SLC17A5: variants seen among roughly 807,000 people sequenced by gnomAD.
SLC17A5 encodes sialin.
Under a neutral mutation model 59.4 loss-of-function variants are expected in SLC17A5, and 47 were observed. That is an observed-to-expected ratio of 0.79 (90% confidence interval 0.63 to 1.01). SLC17A5 has a LOEUF of 1.01. Among genes scored for constraint, SLC17A5 ranks in the 50% least tolerant of loss-of-function variants. The pLI is 0.00. For missense variants in SLC17A5, 522 were observed against 595.5 expected (o/e 0.88, Z 1.28); for synonymous variants, 202 against 210.7 (o/e 0.96, Z 0.36).
chr6:73,599,541 C>G (rs1014641849), intron 10 of SLC17A5, among the ~76,000 whole-genome samples: 1 of 152,232 alleles, frequency 6.6e-6, no homozygotes, highest in African/African-American at 2.4e-5. Flanking sequence ...AGTGAGCTGA[C>G]TTAGGTTCTG....
At chr6:73,642,485 C>T (rs1350359435) in intron 2 of SLC17A5, among the ~76,000 whole-genome samples, 1 of 152,232 alleles carries the variant, frequency 6.6e-6, no homozygotes, top group African/African-American at 2.4e-5. Flanking sequence ...TTAGTGTTCA[C>T]TTAGTGCTGG....
At position 73,628,073 on chromosome 6, in the gene SLC17A5, C is replaced by T. The variant is rs1260331164; in HGVS notation, c.820-6111G>A. Among the ~76,000 whole-genome samples the T allele has an allele frequency of 2.0e-5, 3 of 152,032 alleles. No individual in the cohort carries two copies. The East Asian group carries it at 5.8e-4, about 29-fold the overall frequency. On this transcript the variant is annotated intron_variant, in intron 6 of 10. Transcript: ENST00000355773. ...TAGCTGAGACTACAGGCATGTGCCA[C>T]CACACCGGGTAATTTTTAAATTTTT...
At chr6:73,638,963 C>T (rs1769152596) in intron 3 of SLC17A5, among the ~76,000 whole-genome samples, 1 of 151,972 alleles carries the variant, frequency 6.6e-6, no homozygotes, top group Non-Finnish European at 1.5e-5. Context: ...TTATTAATCA[C>T]CTGAATGAAA....
In SLC17A5 at chr6:73,633,176, A is replaced by AT. The variant is rs57624307; in HGVS notation, c.819+2205dup. Among the ~76,000 whole-genome samples, 222 of 124,930 alleles carry AT rather than the reference A, an allele frequency of 1.8e-3. 2 individuals are homozygous for AT. Among genetic ancestry groups the AT allele is most frequent in the South Asian group, 5.2e-3 (21 of 4,012 alleles). 82.0% of individuals were successfully genotyped at this position (124,930 alleles called of 152,430 possible). ...AAAACTTTCTTTTTTACTTGTATTA[A>AT]TTTTTTTTTTTTTTTTTTTTGCTGG... is the stretch of plus-strand genomic sequence containing the variant. On this transcript the variant is annotated intron_variant, in intron 6 of 10. Transcript: ENST00000355773.
chr6:73,594,203 A>G lies in SLC17A5; in HGVS notation c.*874T>C, dbSNP rs1766696790. ...CCAGCTAATTTTTTGTATTTTTAGT[A>G]GAGATGGGGTTTCACCATGCTGGCC... On this transcript the variant is annotated 3_prime_UTR_variant, in exon 11 of 11. Coordinates refer to ENST00000355773, the MANE Select transcript of SLC17A5 (RefSeq NM_012434.5). 1 of 152,082 alleles carries G rather than the reference A, an allele frequency of 6.6e-6. No homozygotes were observed. Among genetic ancestry groups the G allele is most frequent in the South Asian group, 2.1e-4 (1 of 4,806 alleles). 9.4% of individuals were successfully genotyped at this position (152,082 alleles called of 1,614,324 possible). A position where few individuals can be genotyped will look rare whatever the true frequency, so the allele number is the denominator to read the frequency against.
intron 7 of SLC17A5, among the ~76,000 whole-genome samples, chr6:73,621,175 T>C (rs898048302): frequency 3.9e-5 from 6 of 151,948 alleles, no homozygotes; most frequent in Non-Finnish European, 8.8e-5. Context: ...CTGGTTAATT[T>C]TGTATTTTTA....
chr6:73,621,694 G>T, intron 7 of SLC17A5, 110 bp downstream of exon 7: 1 of 878,512 alleles, frequency 1.1e-6, no homozygotes, highest in African/African-American at 1.7e-5. Flanking sequence ...ATTTAGGACA[G>T]CAGAGTAAAA....
chr6:73,644,316 G>C, intron 2 of SLC17A5, 91 bp downstream of exon 2: 1 of 1,028,162 alleles, frequency 9.7e-7, no homozygotes, highest in Non-Finnish European at 1.5e-6. Flanking sequence ...ACAAAGTATA[G>C]TTTCTGTAGG....
chr6:73,643,845 T>A (rs1769415821), intron 2 of SLC17A5, among the ~76,000 whole-genome samples: 1 of 152,178 alleles, frequency 6.6e-6, no homozygotes, highest in South Asian at 2.1e-4. Flanking sequence ...ATAAGCAACA[T>A]AAAATGAAGT....
At chr6:73,612,709 G>A (rs1306622044) in intron 8 of SLC17A5, among the ~76,000 whole-genome samples, 3 of 152,018 alleles carry the variant, frequency 2.0e-5, no homozygotes, top group African/African-American at 7.2e-5. Context: ...GGAGTAGCTG[G>A]GACTACAGAT....
At chr6:73,622,591 G>T (rs74638294) in intron 6 of SLC17A5, among the ~76,000 whole-genome samples, 2,250 of 152,172 alleles carry the variant, frequency 0.015, 172 homozygotes, top group Admixed American at 0.12. Context: ...TGCCCGGCCT[G>T]AATTCTCTAT....
chr6:73,619,516 C>T (rs1768038982), intron 7 of SLC17A5, among the ~76,000 whole-genome samples: 1 of 149,194 alleles, frequency 6.7e-6, no homozygotes, highest in African/African-American at 2.5e-5. Flanking sequence ...TGGGAAACCC[C>T]ATCTCTACTA....
At chr6:73,618,546 A>G in intron 7 of SLC17A5, 1 of 526,854 alleles carries the variant, frequency 1.9e-6, no homozygotes, top group Non-Finnish European at 3.6e-6. Context: ...AGCCTACAGG[A>G]GGAAAAGCAA....
chr6:73,611,361 C>T (rs2150087465), intron 8 of SLC17A5, among the ~76,000 whole-genome samples: 1 of 152,322 alleles, frequency 6.6e-6, no homozygotes, highest in East Asian at 1.9e-4. Context: ...CTCACTGCCA[C>T]CTCTGCCTCC....
chr6:73,597,720 A>T (rs559115704), intron 10 of SLC17A5, among the ~76,000 whole-genome samples: 52 of 152,112 alleles, frequency 3.4e-4, no homozygotes, highest in African/African-American at 1.1e-3. Flanking sequence ...GGGGAGGTTG[A>T]GGCTGCAGTG....
chr6:73,647,055 A>C (rs891003722), intron 1 of SLC17A5, among the ~76,000 whole-genome samples: 4 of 152,200 alleles, frequency 2.6e-5, no homozygotes, highest in African/African-American at 9.7e-5. Context: ...AATCTAGCTA[A>C]ATGTGTGCAT....
intron 2 of SLC17A5, among the ~76,000 whole-genome samples, chr6:73,642,462 G>T (rs781130493): frequency 6.6e-6 from 1 of 152,198 alleles, no homozygotes; most frequent in African/African-American, 2.4e-5. Flanking sequence ...ATAAAATAAG[G>T]CTTGATGTAC....
chr6:73,624,268 G>A (rs539649492), intron 6 of SLC17A5, among the ~76,000 whole-genome samples: 15 of 152,132 alleles, frequency 9.9e-5, no homozygotes, highest in Non-Finnish European at 2.1e-4. Flanking sequence ...GCCGGGTGTG[G>A]TGGTGCGCAG....
rs61490134 is a variant in SLC17A5, at chr6:73,603,420, C to CT, written c.1260-2980dup. On this transcript the variant is annotated intron_variant, in intron 9 of 10. Transcript: ENST00000355773. ...TAATTCATTTTTAAAATTGCTGCCT[C>CT]TTTTTTTTTTTTTTTTTGAGACAGA... 3.4e-3 allele frequency among the ~76,000 whole-genome samples: 451 copies of CT among 133,970 alleles called. 3 individuals are homozygous for CT. The highest frequency in any genetic ancestry group is 7.2e-3 in the African/African-American group (252 of 34,956). The allele number at this position is 133,970 out of a possible 152,430, so 87.9% of individuals were successfully genotyped here. A position where few individuals can be genotyped will look rare whatever the true frequency, so the allele number is the denominator to read the frequency against.
Sources: allele counts gnomAD v4.1 joint callset (sites outside exome capture counted in the v4.1 genomes callset), GRCh38; gene constraint gnomAD v4.1.1; transcripts MANE v1.5; gene names NCBI Gene and HGNC (gene_info 2026-07-23, HGNC 2026-07-21).